Variants in MYO16 observed in about 807,000 individuals in gnomAD.
The protein encoded by MYO16 is unconventional myosin-XVI.
MYO16 carries 94 observed loss-of-function variants against 205.3 expected under a neutral mutation model. The observed-to-expected ratio is 0.46, with a 90% confidence interval of 0.39 to 0.54. The LOEUF (loss-of-function observed/expected upper bound fraction) is 0.54. Ranked by LOEUF, MYO16 falls within the 20% of genes least tolerant of loss-of-function variation. The pLI, the probability that MYO16 is intolerant of heterozygous loss-of-function variation, is 0.00. For missense variants in MYO16, 2,315 were observed against 2,387.5 expected (o/e 0.97, Z 0.63); for synonymous variants, 988 against 954.0 (o/e 1.04, Z -0.66).
chr13:109,199,855 G>C (rs927569935), intron 34 of MYO16, among the ~76,000 whole-genome samples: 3 of 152,088 alleles, frequency 2.0e-5, no homozygotes, highest in Non-Finnish European at 1.5e-5. Context: ...GTTACCAGTA[G>C]TACATAAAGT....
intron 16 of MYO16, among the ~76,000 whole-genome samples, chr13:108,952,647 C>T (rs113957715): frequency 1.3e-5 from 2 of 152,148 alleles, no homozygotes; most frequent in Admixed American, 6.5e-5. Context: ...TCTTCTACCC[C>T]ATGATAGAAA....
intron 12 of MYO16, among the ~76,000 whole-genome samples, chr13:108,874,684 T>TTTC (rs1205621102): frequency 1.3e-4 from 17 of 130,680 alleles, no homozygotes; most frequent in Admixed American, 5.6e-4. Context: ...AGGCAGACAG[T>TTTC]TTCATCATCA....
intron 27 of MYO16, among the ~76,000 whole-genome samples, chr13:109,060,527 T>G (rs914260428): frequency 2.1e-4 from 32 of 152,110 alleles, no homozygotes; most frequent in Admixed American, 1.8e-3. Flanking sequence ...GGCAAATACC[T>G]AATGCATGTG....
At chr13:108,528,832 G>A in the MYO16 span, among the ~76,000 whole-genome samples, 2 of 145,336 alleles carry the variant, frequency 1.4e-5, no homozygotes, top group African/African-American at 2.6e-5. Flanking sequence ...TTCAGCTTTT[G>A]ACGATGTGAG....
chr13:109,156,852 A>G (rs1878073400), intron 32 of MYO16, among the ~76,000 whole-genome samples: 1 of 151,554 alleles, frequency 6.6e-6, no homozygotes, highest in South Asian at 2.1e-4. Flanking sequence ...ACCTCCTCAC[A>G]CTCGAGAGTG....
intron 32 of MYO16, among the ~76,000 whole-genome samples, chr13:109,160,546 C>G (rs1390275631): frequency 1.3e-5 from 2 of 152,110 alleles, no homozygotes; most frequent in Admixed American, 1.3e-4. Flanking sequence ...TCCATGGACC[C>G]AACCACAGGA....
chr13:109,158,525 A>G (rs886768635), intron 32 of MYO16, among the ~76,000 whole-genome samples: 2 of 152,126 alleles, frequency 1.3e-5, no homozygotes, highest in African/African-American at 4.8e-5. Context: ...TTTTCCCATA[A>G]AACATTTCCA....
At chr13:108,982,036 A>G (rs1447447054) in intron 20 of MYO16, among the ~76,000 whole-genome samples, 1 of 152,246 alleles carries the variant, frequency 6.6e-6, no homozygotes, top group African/African-American at 2.4e-5. Flanking sequence ...GATTGCAGAA[A>G]GATCCAGAAG....
At chr13:108,504,403 AG>A in the MYO16 span, among the ~76,000 whole-genome samples, 30 of 152,182 alleles carry the variant, frequency 2.0e-4, no homozygotes, top group African/African-American at 7.0e-4. Flanking sequence ...CTGGGATTAT[AG>A]GCGTGAGCCA....
chr13:108,927,521 A>G lies in MYO16; in HGVS notation c.1925+17371A>G, dbSNP rs368684264. Among the ~76,000 whole-genome samples, 83 of 152,308 alleles carry G rather than the reference A, an allele frequency of 5.4e-4. 1 individual carries two copies. The highest frequency in any genetic ancestry group is 1.9e-3 in the African/African-American group (79 of 41,568). On this transcript the variant is annotated intron_variant, in intron 16 of 34. Coordinates refer to ENST00000457511, the MANE Select transcript of MYO16 (RefSeq NM_001198950.3). ...GGGAGCCACCCTTCTAGAGCTTCCC[A>G]GAACACCCAAAGACATCCCAAGATT...
At chr13:109,205,599 C>T (rs763007088) in intron 34 of MYO16, among the ~76,000 whole-genome samples, 9 of 151,802 alleles carry the variant, frequency 5.9e-5, no homozygotes, top group Non-Finnish European at 1.2e-4. Context: ...TTTTTTTAAA[C>T]CAGTATACTT....
rs957565390 is a variant in MYO16, at chr13:108,889,926, T to C, written c.1659+1449T>C. Among the ~76,000 whole-genome samples the C allele has an allele frequency of 2.6e-5, 4 of 152,100 alleles. No individual in the cohort carries two copies. The East Asian group carries it at 7.8e-4, about 29-fold the overall frequency. On this transcript the variant is annotated intron_variant, in intron 14 of 34. Transcript: ENST00000457511. ...TTCTTTTTTATTTTCACTTATTTAT[T>C]TACTATTATTGTTATTTATTTTTGA...
intron 23 of MYO16, among the ~76,000 whole-genome samples, chr13:109,031,166 A>G (rs1886537339): frequency 6.6e-6 from 1 of 152,118 alleles, no homozygotes; most frequent in Non-Finnish European, 1.5e-5. Context: ...ATCTCGGCTC[A>G]CTGAAACCTC....
intron 2 of MYO16, among the ~76,000 whole-genome samples, chr13:108,708,181 G>T (rs540798763): frequency 6.6e-6 from 1 of 152,334 alleles, no homozygotes; most frequent in East Asian, 1.9e-4. Context: ...AAGGAAATCT[G>T]TATTTCAGCA....
At chr13:109,007,296 G>C (rs1029097524) in intron 21 of MYO16, among the ~76,000 whole-genome samples, 1 of 151,988 alleles carries the variant, frequency 6.6e-6, no homozygotes, top group African/African-American at 2.4e-5. Context: ...GCTGAGGCAG[G>C]ATAATGGTGT....
At chr13:108,673,705 C>G (rs1419885766) in intron 2 of MYO16, among the ~76,000 whole-genome samples, 3 of 152,038 alleles carry the variant, frequency 2.0e-5, no homozygotes, top group Non-Finnish European at 4.4e-5. Context: ...CTCATTTTCC[C>G]CCACTGCATC....
At chr13:109,100,300 A>G (rs1888920672) in intron 27 of MYO16, among the ~76,000 whole-genome samples, 1 of 152,222 alleles carries the variant, frequency 6.6e-6, no homozygotes, top group Non-Finnish European at 1.5e-5. Flanking sequence ...GATATATAAT[A>G]TATGGGGAAG....
At chr13:108,857,543 T>C (rs1430712038) in intron 11 of MYO16, among the ~76,000 whole-genome samples, 1 of 152,238 alleles carries the variant, frequency 6.6e-6, no homozygotes, top group Non-Finnish European at 1.5e-5. Flanking sequence ...TTGGGAACTT[T>C]GTCCTTGTCA....
intron 23 of MYO16, among the ~76,000 whole-genome samples, chr13:109,037,446 G>A (rs2139570689): frequency 6.6e-6 from 1 of 152,172 alleles, no homozygotes; most frequent in Middle Eastern, 3.4e-3. Flanking sequence ...GCTTTTTATT[G>A]GGAGGCAGCC....
Sources: allele counts gnomAD v4.1 joint callset (sites outside exome capture counted in the v4.1 genomes callset), GRCh38; gene constraint gnomAD v4.1.1; transcripts MANE v1.5; gene names NCBI Gene and HGNC (gene_info 2026-07-23, HGNC 2026-07-21).